SLC35F4: variants seen among roughly 807,000 people sequenced by gnomAD.
SLC35F4 encodes the protein solute carrier family 35 member F4.
In SLC35F4, 24 loss-of-function variants were observed where a neutral mutation model predicts 44.2. That is an observed-to-expected ratio of 0.54 (90% CI 0.39 to 0.76). SLC35F4 has a LOEUF of 0.76. Among genes scored for constraint, SLC35F4 ranks in the 30% least tolerant of loss-of-function variants. SLC35F4 has a pLI of 0.00. For synonymous variants in SLC35F4, 238 were observed against 223.6 expected (o/e 1.06, Z -0.57); for missense variants, 562 against 586.1 (o/e 0.96, Z 0.42).
chr14:57,739,003 A>G (rs1056165544), intron 1 of SLC35F4, among the ~76,000 whole-genome samples: 6 of 143,364 alleles, frequency 4.2e-5, no homozygotes, highest in Non-Finnish European at 4.7e-5. Flanking sequence ...AGTAATACAA[A>G]GTTTCTTTTT....
chr14:57,713,024 A>G (rs1050955630), intron 1 of SLC35F4, among the ~76,000 whole-genome samples: 2 of 152,116 alleles, frequency 1.3e-5, no homozygotes, highest in African/African-American at 4.8e-5. Flanking sequence ...CAGAAACTTA[A>G]AAAAAATCCC....
chr14:57,837,358 G>C (rs941633042), intron 1 of SLC35F4: 1 of 152,098 alleles, frequency 6.6e-6, no homozygotes, highest in African/African-American at 2.4e-5. Context: ...ATGGAGAAAC[G>C]GACAACCTGT....
At chr14:57,979,772 T>G (rs917666737) in intron 1 of SLC35F4, among the ~76,000 whole-genome samples, 1 of 152,210 alleles carries the variant, frequency 6.6e-6, no homozygotes, top group African/African-American at 2.4e-5. Flanking sequence ...CCAATTCATT[T>G]ATATGCCTTT....
chr14:57,636,297 A>T (rs1012354599), intron 1 of SLC35F4, among the ~76,000 whole-genome samples: 2 of 152,150 alleles, frequency 1.3e-5, no homozygotes, highest in Non-Finnish European at 2.9e-5. Flanking sequence ...AGACCTTACT[A>T]ACATGCTTTG....
At position 57,569,856 on chromosome 14, in the gene SLC35F4, A is replaced by C; in HGVS notation, c.1058T>G (p.Val353Gly). ...AGCAGCAAAAGAGGACCAGTGCTCC[A>C]CCTTGGTGAAATACAAGATGACTGG... is the stretch of plus-strand genomic sequence containing the variant. ...FTPVILYFTK[V>G]EHWSSFAALP... Residue 353 changes from valine (V) to glycine (G), a missense_variant, in exon 6 of 8, where the codon GTG becomes GGG. Physicochemically the swap from Val to Gly is moderately radical, Grantham distance 109 (BLOSUM62 -3). Coordinates refer to ENST00000556826, the MANE Select transcript of SLC35F4 (RefSeq NM_001306087.2). 1 of 1,611,906 alleles carries C rather than the reference A, an allele frequency of 6.2e-7. No homozygotes were observed. Among genetic ancestry groups the C allele is most frequent in the South Asian group, 1.1e-5 (1 of 90,282 alleles).
intron 1 of SLC35F4, among the ~76,000 whole-genome samples, chr14:57,820,169 A>G (rs769451414): frequency 2.0e-5 from 3 of 152,216 alleles, no homozygotes; most frequent in Non-Finnish European, 4.4e-5. Flanking sequence ...TGAAACATTT[A>G]AAAGCAAATA....
At chr14:57,631,160 C>G (rs1164280708) in intron 1 of SLC35F4, 15 of 152,348 alleles carry the variant, frequency 9.8e-5, no homozygotes, top group African/African-American at 3.6e-4. Context: ...GTCAAGGTGT[C>G]TTGTCATGAT....
Position 57,611,585 on chromosome 14 carries a change from TA to T in SLC35F4, c.104-17462del, listed in dbSNP as rs10647941. 4.3e-3 allele frequency among the ~76,000 whole-genome samples: 545 copies of T among 127,070 alleles called. 1 individual carries two copies. The highest frequency in any genetic ancestry group is 9.8e-3 in the South Asian group (38 of 3,886). The allele number at this position is 127,070 out of a possible 152,430, so 83.4% of individuals were successfully genotyped here. Reference sequence around the variant, plus strand: ...AGCTGAGAGAATCTAAGAGAAGAGTTAAAAAAAAAAAAACAAAAAAAAGAGT... The same window carrying T: ...AGCTGAGAGAATCTAAGAGAAGAGTTAAAAAAAAAAAACAAAAAAAAGAGT... On this transcript the variant is annotated intron_variant, in intron 1 of 7. Transcript: ENST00000556826.
At chr14:57,680,905 A>T (rs1428397607) in intron 1 of SLC35F4, among the ~76,000 whole-genome samples, 1 of 152,094 alleles carries the variant, frequency 6.6e-6, no homozygotes. Flanking sequence ...CCATGCTCAC[A>T]GATAGGAAGA....
chr14:57,841,464 A>G (rs1885474992), intron 1 of SLC35F4, among the ~76,000 whole-genome samples: 1 of 152,190 alleles, frequency 6.6e-6, no homozygotes, highest in Admixed American at 6.5e-5. Context: ...AGAAAGCCCA[A>G]ACTACTCACT....
intron 1 of SLC35F4, among the ~76,000 whole-genome samples, chr14:57,857,574 G>A (rs894210706): frequency 6.6e-6 from 1 of 151,712 alleles, no homozygotes; most frequent in Non-Finnish European, 1.5e-5. Context: ...AAACTTTATT[G>A]AGCAACAAAA....
intron 1 of SLC35F4, among the ~76,000 whole-genome samples, chr14:57,910,304 T>C (rs1253130509): frequency 2.0e-5 from 3 of 152,114 alleles, no homozygotes; most frequent in African/African-American, 7.2e-5. Flanking sequence ...TTAATTTTAA[T>C]GAAGCCTAGC....
chr14:57,681,663 T>C (rs2074907377), intron 1 of SLC35F4, among the ~76,000 whole-genome samples: 1 of 152,102 alleles, frequency 6.6e-6, no homozygotes, highest in Non-Finnish European at 1.5e-5. Context: ...GGGATCTGAT[T>C]AAACTAAAGA....
intron 1 of SLC35F4, among the ~76,000 whole-genome samples, chr14:57,594,710 C>T (rs968605567): frequency 2.0e-5 from 3 of 152,218 alleles, no homozygotes; most frequent in Admixed American, 1.3e-4. Context: ...CTGTCGATTT[C>T]CTAACTGGTA....
chr14:57,937,675 C>G (rs1889840107), intron 1 of SLC35F4, among the ~76,000 whole-genome samples: 1 of 150,772 alleles, frequency 6.6e-6, no homozygotes, highest in African/African-American at 2.4e-5. Flanking sequence ...AAAGATATCA[C>G]AAAGGATAAA....
chr14:57,583,965 A>ATAAT (rs1365712349), intron 3 of SLC35F4, among the ~76,000 whole-genome samples: 2 of 152,180 alleles, frequency 1.3e-5, no homozygotes, highest in African/African-American at 4.8e-5. Context: ...GAGGACACTA[A>ATAAT]TAATTTAGTT....
At chr14:57,636,400 G>C (rs1328926430) in intron 1 of SLC35F4, among the ~76,000 whole-genome samples, 1 of 152,040 alleles carries the variant, frequency 6.6e-6, no homozygotes, top group Non-Finnish European at 1.5e-5. Flanking sequence ...CACATTTGCA[G>C]CACACTTGTA....
intron 1 of SLC35F4, among the ~76,000 whole-genome samples, chr14:57,649,389 C>T (rs1482841973): frequency 6.6e-6 from 1 of 152,106 alleles, no homozygotes; most frequent in Non-Finnish European, 1.5e-5. Context: ...AAGCTGCCTG[C>T]CTTCTTTGGC....
At chr14:57,912,623 T>C (rs1174257036) in intron 1 of SLC35F4, among the ~76,000 whole-genome samples, 1 of 152,044 alleles carries the variant, frequency 6.6e-6, no homozygotes, top group Non-Finnish European at 1.5e-5. Context: ...CATTATTGTC[T>C]GACAATAGAC....
Sources: gnomAD v4.1 joint callset for allele counts (sites outside exome capture counted in the v4.1 genomes callset) on GRCh38, gnomAD v4.1.1 for gene constraint, MANE v1.5 for transcripts, NCBI Gene and HGNC (gene_info 2026-07-23, HGNC 2026-07-21) for gene names.